MYO18B: variants seen among roughly 807,000 people sequenced by gnomAD.
MYO18B encodes myosin XVIIIB, also known as unconventional myosin-XVIIIb.
Under a neutral mutation model 273.0 loss-of-function variants are expected in MYO18B, and 204 were observed. That is an observed-to-expected ratio of 0.75 (90% CI 0.67 to 0.84). MYO18B has a LOEUF of 0.84. Ranked by LOEUF, MYO18B falls within the 40% of genes least tolerant of loss-of-function variation. The probability of loss-of-function intolerance (pLI) is 0.00; values close to 1 mark genes in which losing one functional copy is unlikely to be tolerated. For missense variants in MYO18B, 3,212 were observed against 3,287.6 expected (o/e 0.98, Z 0.56); for synonymous variants, 1,330 against 1,305.7 (o/e 1.02, Z -0.40).
intron 11 of MYO18B, among the ~76,000 whole-genome samples, chr22:25,789,808 C>T (rs2087577596): frequency 6.6e-6 from 1 of 152,166 alleles, no homozygotes; most frequent in African/African-American, 2.4e-5. Context: ...GGTGTTCTTC[C>T]AGTATTTTTC....
At chr22:25,993,077 C>G (rs1017818335) in intron 40 of MYO18B, among the ~76,000 whole-genome samples, 1 of 152,186 alleles carries the variant, frequency 6.6e-6, no homozygotes, top group African/African-American at 2.4e-5. Flanking sequence ...CGAGACCACC[C>G]AAGTTCAATG....
At chr22:25,928,710 A>G (rs547918396) in intron 34 of MYO18B, among the ~76,000 whole-genome samples, 44 of 152,302 alleles carry the variant, frequency 2.9e-4, no homozygotes, top group African/African-American at 8.4e-4. Flanking sequence ...AATCCTGCCA[A>G]TGACACTTAC....
intron 11 of MYO18B, among the ~76,000 whole-genome samples, chr22:25,788,166 T>C (rs1306356337): frequency 6.6e-6 from 1 of 152,248 alleles, no homozygotes; most frequent in Non-Finnish European, 1.5e-5. Context: ...TTGTTCTCTC[T>C]CTGCTACCTG....
intron 34 of MYO18B, among the ~76,000 whole-genome samples, chr22:25,931,056 G>A (rs924771403): frequency 6.6e-6 from 1 of 152,204 alleles, no homozygotes; most frequent in African/African-American, 2.4e-5. Context: ...AGTCTTTTGT[G>A]TGTGGGCACC....
intron 39 of MYO18B, among the ~76,000 whole-genome samples, chr22:25,965,804 C>T (rs2092971471): frequency 2.0e-5 from 3 of 152,148 alleles, no homozygotes; most frequent in Non-Finnish European, 1.5e-5. Flanking sequence ...AACTGGCTTG[C>T]AAAATTCCCT....
the MYO18B span, among the ~76,000 whole-genome samples, chr22:26,037,595 G>T: frequency 1.3e-5 from 2 of 152,280 alleles, no homozygotes; most frequent in Non-Finnish European, 1.5e-5. Context: ...TCCAATCTGG[G>T]CCTAACACAG....
Position 25,898,379 on chromosome 22 carries a change from C to G in MYO18B, c.4741C>G (p.Leu1581Val). 6.2e-7 allele frequency: 1 copy of G among 1,613,972 alleles called. No individual in the cohort carries two copies. The highest frequency in any genetic ancestry group is 8.5e-7 in the Non-Finnish European group (1 of 1,179,874). ...AHQLKRKCHH[L>V]TCDLEDTCVL... ...CCAACTGAAGAGGAAGTGCCACCAT[C>G]TTACCTGTGACCTTGAGGATACCTG... The change falls in exon 29 of 44, where the codon CTT (leucine) becomes GTT (valine). Residue 1581 changes from leucine (L) to valine (V), a missense_variant. Physicochemically the swap from Leu to Val is conservative, Grantham distance 32. Transcript: ENST00000335473.
At chr22:25,912,926 A>G (rs1288203019) in intron 33 of MYO18B, among the ~76,000 whole-genome samples, 4 of 152,342 alleles carry the variant, frequency 2.6e-5, no homozygotes, top group East Asian at 1.9e-4. Flanking sequence ...AGATTAGTCT[A>G]TAATGATACA....
At chr22:25,757,870 C>T (rs2086175450) in intron 1 of MYO18B, among the ~76,000 whole-genome samples, 1 of 152,206 alleles carries the variant, frequency 6.6e-6, no homozygotes, top group Non-Finnish European at 1.5e-5. Context: ...TGTACTCAAT[C>T]TTACTTTACA....
In MYO18B at chr22:25,764,543, G is replaced by A. The variant is rs1358630221; in HGVS notation, c.198+1154G>A. Among the ~76,000 whole-genome samples the A allele has an allele frequency of 5.3e-5, 8 of 152,150 alleles. No homozygotes were observed. In the East Asian group the frequency reaches 1.2e-3, roughly 22 times the overall value. ...CCTCCCCTTCAGCTTTGGTTTGCCC[G>A]GCTAGTCCCACATGTGCCTGCACCT... On this transcript the variant is annotated intron_variant, in intron 3 of 43. Transcript: ENST00000335473.
chr22:25,947,487 T>TACACACACACACACACACAC (rs57844236), intron 35 of MYO18B, among the ~76,000 whole-genome samples: 8 of 110,676 alleles, frequency 7.2e-5, no homozygotes, highest in South Asian at 3.6e-4. Context: ...TAATGCCTAA[T>TACACACACACACACACACAC]ACACACACAC....
At chr22:26,008,454 C>A (rs959730323) in intron 42 of MYO18B, among the ~76,000 whole-genome samples, 3 of 152,262 alleles carry the variant, frequency 2.0e-5, no homozygotes, top group East Asian at 3.9e-4. Context: ...TCCCATTTGA[C>A]TGAGAAAGAA....
downstream of MYO18B, among the ~76,000 whole-genome samples, chr22:26,035,890 G>A (rs905037437): frequency 1.3e-5 from 2 of 152,206 alleles, no homozygotes; most frequent in Non-Finnish European, 2.9e-5. Context: ...AGGCTCAAAG[G>A]TCAATTTCCT....
intron 43 of MYO18B, among the ~76,000 whole-genome samples, chr22:26,029,500 A>G (rs1164636175): frequency 6.6e-6 from 1 of 152,224 alleles, no homozygotes; most frequent in African/African-American, 2.4e-5. Context: ...GGACACAGAA[A>G]GCAGTTTCAA....
chr22:25,870,035 C>G (rs2091004379), intron 22 of MYO18B, among the ~76,000 whole-genome samples: 1 of 152,196 alleles, frequency 6.6e-6, no homozygotes, highest in Admixed American at 6.5e-5. Context: ...TGTGAGATAT[C>G]AAGTGTGTTC....
At chr22:25,899,466 TC>T (rs1288187288) in intron 29 of MYO18B, 1 of 152,138 alleles carries the variant, frequency 6.6e-6, no homozygotes, top group African/African-American at 2.4e-5. Flanking sequence ...CTGCCTCCTT[TC>T]CAAGAAGTAG....
rs2090235044 is a variant in MYO18B at position 25,846,112 on chromosome 22, G to C, written c.3381G>C (p.Arg1127=). 3 of 1,572,228 alleles carry C rather than the reference G, an allele frequency of 1.9e-6. No homozygotes were observed. Among genetic ancestry groups the C allele is most frequent in the East Asian group, 2.3e-5 (1 of 42,972 alleles). Reference sequence around the variant, plus strand: ...TCCTCCCCACCAGAGAGGAGCTGCGGAGTCTATTCCAGGCCCGGGCCAAGC... The same window carrying C: ...TCCTCCCCACCAGAGAGGAGCTGCGCAGTCTATTCCAGGCCCGGGCCAAGC... The part of the protein sequence containing the change: ...VLHQSKREEL[R]SLFQARAKLP... Residue 1127 remains arginine, a synonymous_variant, in exon 19 of 44, where the codon CGG becomes CGC. Coordinates refer to ENST00000335473, the MANE Select transcript of MYO18B (RefSeq NM_032608.7).
chr22:25,917,310 T>C (rs1481763881), intron 33 of MYO18B, among the ~76,000 whole-genome samples: 3 of 152,216 alleles, frequency 2.0e-5, no homozygotes, highest in African/African-American at 7.2e-5. Context: ...ATGAGAATGG[T>C]TATACCAAAG....
intron 42 of MYO18B, among the ~76,000 whole-genome samples, chr22:26,017,279 C>T (rs554789011): frequency 1.3e-5 from 2 of 151,450 alleles, no homozygotes; most frequent in Non-Finnish European, 2.9e-5. Context: ...GAATTTTCCA[C>T]ATTGACTTTA....
Sources: allele counts gnomAD v4.1 joint callset (sites outside exome capture counted in the v4.1 genomes callset), GRCh38; gene constraint gnomAD v4.1.1; transcripts MANE v1.5; gene names NCBI Gene and HGNC (gene_info 2026-07-23, HGNC 2026-07-21).